Variants in CLIC6 observed in about 807,000 individuals in gnomAD.
CLIC6 encodes the protein CLIC family member 6, also known as chloride intracellular channel protein 6.
A neutral mutation model predicts 49.2 loss-of-function variants in CLIC6; 39 were observed. The observed-to-expected ratio is 0.79, with a 90% CI of 0.61 to 1.04. The LOEUF (loss-of-function observed/expected upper bound fraction) is 1.04, where lower values mean the gene tolerates loss of function less well. CLIC6 is among the 50% of genes least tolerant of loss of function. The pLI is 0.00. For missense variants in CLIC6, 988 were observed against 993.1 expected (o/e 0.99, Z 0.07); for synonymous variants, 446 against 433.4 (o/e 1.03, Z -0.36).
intron 1 of CLIC6, among the ~76,000 whole-genome samples, chr21:34,675,260 A>AG (rs1989640165): frequency 6.6e-6 from 1 of 151,632 alleles, no homozygotes; most frequent in African/African-American, 2.4e-5. Flanking sequence ...TCCAAAAAAA[A>AG]AAAAAAAAAA....
chr21:34,704,014 A>T (rs548968309), intron 1 of CLIC6, among the ~76,000 whole-genome samples: 1 of 152,342 alleles, frequency 6.6e-6, no homozygotes, highest in South Asian at 2.1e-4. Flanking sequence ...AGAAATGTAT[A>T]TGTACAAAAA....
At chr21:34,713,774 C>A (rs2145822228) in intron 5 of CLIC6, among the ~76,000 whole-genome samples, 1 of 152,168 alleles carries the variant, frequency 6.6e-6, no homozygotes, top group East Asian at 1.9e-4. Flanking sequence ...CCATGTTAAA[C>A]ATTGCCCCAG....
rs913508420 is a variant in CLIC6 at position 34,709,661 on chromosome 21, A to C, written c.1899+123A>C. Reference sequence around the variant, plus strand: ...AAATGTGGAGACTTGGATTAAAAACACTAGTTCTGTTCGGGGCAGCCAAGC... The same window carrying C: ...AAATGTGGAGACTTGGATTAAAAACCCTAGTTCTGTTCGGGGCAGCCAAGC... On this transcript the variant is annotated intron_variant, in intron 5 of 5. Coordinates refer to ENST00000349499, the MANE Select transcript of CLIC6 (RefSeq NM_053277.3). 4 of 875,634 alleles carry C rather than the reference A, an allele frequency of 4.6e-6. No individual in the cohort carries two copies. In the African/African-American group the frequency reaches 6.8e-5, roughly 15 times the overall value. 54.2% of individuals were successfully genotyped at this position (875,634 alleles called of 1,614,324 possible).
chr21:34,669,306 C>A lies in CLIC6; in HGVS notation c.-83C>A. Reference sequence around the variant, plus strand: ...GTCCTTCAAGGAGCACAGAGGGCCCCGTAGCACGCCCCTTGCCCAGCGCCA... The same window carrying A: ...GTCCTTCAAGGAGCACAGAGGGCCCAGTAGCACGCCCCTTGCCCAGCGCCA... On this transcript the variant is annotated 5_prime_UTR_variant, in exon 1 of 6. Transcript: ENST00000349499. The A allele has an allele frequency of 2.7e-6, 3 of 1,122,166 alleles. No homozygotes were observed. The highest frequency in any genetic ancestry group is 3.4e-6 in the Non-Finnish European group (3 of 888,272). The allele number at this position is 1,122,166 out of a possible 1,614,324, so 69.5% of individuals were successfully genotyped here.
At position 34,670,582 on chromosome 21, in the gene CLIC6, A is replaced by T; in HGVS notation, c.1194A>T (p.Pro398=). Residue 398 remains proline, a synonymous_variant, in exon 1 of 6, where the codon CCA becomes CCT. Transcript: ENST00000349499. The stretch of plus-strand genomic sequence containing the variant: ...AAGAGGAATCCCCCGACAGCAGCCC[A>T]CATGGGGAGGCCTCCAGGGGCGCCG... ...GGEEESPDSS[P]HGEASRGAAE... The T allele has an allele frequency of 6.6e-7, 1 of 1,525,936 alleles. No individual in the cohort carries two copies. Among genetic ancestry groups the T allele is most frequent in the Non-Finnish European group, 8.8e-7 (1 of 1,136,994 alleles). The allele number at this position is 1,525,936 out of a possible 1,614,324, so 94.5% of individuals were successfully genotyped here.
intron 1 of CLIC6, among the ~76,000 whole-genome samples, chr21:34,688,602 G>A (rs980860308): frequency 3.3e-5 from 5 of 152,226 alleles, no homozygotes; most frequent in Admixed American, 1.3e-4. Flanking sequence ...AAGAGGTGGG[G>A]GATAAGACCA....
At chr21:34,683,792 C>G (rs1242753996) in intron 1 of CLIC6, among the ~76,000 whole-genome samples, 1 of 152,156 alleles carries the variant, frequency 6.6e-6, no homozygotes, top group East Asian at 1.9e-4. Context: ...TGAGGCCTCC[C>G]CAGCCATGTG....
At chr21:34,694,359 T>C (rs1990056056) in intron 1 of CLIC6, among the ~76,000 whole-genome samples, 1 of 152,046 alleles carries the variant, frequency 6.6e-6, no homozygotes, top group African/African-American at 2.4e-5. Flanking sequence ...AGTGCGGTAG[T>C]AGAGCAGTGT....
chr21:34,687,406 T>G (rs1989903318), intron 1 of CLIC6, among the ~76,000 whole-genome samples: 1 of 152,238 alleles, frequency 6.6e-6, no homozygotes, highest in Non-Finnish European at 1.5e-5. Context: ...CACAAGGAAA[T>G]AAGCTTTTCA....
chr21:34,676,038 T>C (rs570783636), intron 1 of CLIC6, among the ~76,000 whole-genome samples: 5 of 152,210 alleles, frequency 3.3e-5, no homozygotes, highest in Non-Finnish European at 7.3e-5. Context: ...AGAGCAATTA[T>C]GTTTCTTTAC....
chr21:34,709,373 G>T lies in CLIC6; in HGVS notation c.1734G>T (p.Leu578=). ...CTGTTTTAGTTCATGAAAAGAACCT[G>T]CTGAAGGCCCTGAGGAAGCTGGATA... ...KDANEIHEKN[L]LKALRKLDNY... Residue 578 remains leucine (L), a synonymous_variant, in exon 5 of 6, where the codon CTG becomes CTT. Coordinates refer to ENST00000349499, the MANE Select transcript of CLIC6 (RefSeq NM_053277.3). The T allele has an allele frequency of 1.2e-6, 2 of 1,613,844 alleles. No individual in the cohort carries two copies. The highest frequency in any genetic ancestry group is 1.7e-6 in the Non-Finnish European group (2 of 1,179,908).
rs370635676 is a variant in CLIC6 at position 34,708,066 on chromosome 21, C to T, written c.1607C>T (p.Pro536Leu). ...TTCTTAGAGGAGAAATTAGCTCCCC[C>T]GAGGTAGGCCTCAGAAAACCAGTGT... ...EEFLEEKLAP[P>L]RYPKLGTQHP... Residue 536 changes from proline (P) to leucine (L), a missense_variant, in exon 3 of 6, where the codon CCG (proline) becomes CTG (leucine). Pro to Leu is a moderately conservative substitution (Grantham distance 98). Around this residue, in one of 3 missense-constraint regions of CLIC6, gnomAD observed 647 missense variants for 596.9 expected, o/e 1.08. Coordinates refer to ENST00000349499, the MANE Select transcript of CLIC6 (RefSeq NM_053277.3). 1.7e-5 allele frequency: 27 copies of T among 1,613,932 alleles called. No individual in the cohort carries two copies. Among genetic ancestry groups the T allele is most frequent in the East Asian group, 1.6e-4 (7 of 44,898 alleles).
chr21:34,716,510 C>A lies in CLIC6; in HGVS notation c.*28C>A. 1 of 1,580,108 alleles carries A rather than the reference C, an allele frequency of 6.3e-7. No homozygotes were observed. The highest frequency in any genetic ancestry group is 1.2e-5 in the South Asian group (1 of 86,104). On this transcript the variant is annotated 3_prime_UTR_variant, in exon 6 of 6. Coordinates refer to ENST00000349499, the MANE Select transcript of CLIC6 (RefSeq NM_053277.3). ...CTGGGCTGTTTTCTGTCTTATTTCT[C>A]AGTTGAGTGAGCAAGGATACGAAAA...
At chr21:34,696,080 G>A (rs1601277547) in intron 1 of CLIC6, among the ~76,000 whole-genome samples, 1 of 152,168 alleles carries the variant, frequency 6.6e-6, no homozygotes, top group East Asian at 1.9e-4. Context: ...TGCACTCTAG[G>A]TGTTGGTGTG....
chr21:34,669,420 C>T lies in CLIC6; in HGVS notation c.32C>T (p.Ala11Val), dbSNP rs751047637. 6 of 1,235,198 alleles carry T rather than the reference C, an allele frequency of 4.9e-6. No homozygotes were observed. In the Admixed American group the frequency reaches 2.1e-4, roughly 43 times the overall value. The allele number at this position is 1,235,198 out of a possible 1,614,324, so 76.5% of individuals were successfully genotyped here. The change falls in exon 1 of 6, where the codon GCC becomes GTC. Residue 11 changes from alanine to valine, a missense_variant. This residue lies in a region of CLIC6 where 284 missense variants were observed against 278.6 expected (regional missense o/e 1.02). Transcript: ENST00000349499. ...GAGGCCGCGGAGCCGGAGGGGGTTG[C>T]CCCGGGTCCCCAGGGGCCGCCGGAG... MAEAAEPEGV[A>V]PGPQGPPEVP...
intron 5 of CLIC6, among the ~76,000 whole-genome samples, chr21:34,710,539 C>G (rs1243925023): frequency 6.6e-6 from 1 of 152,144 alleles, no homozygotes; most frequent in Non-Finnish European, 1.5e-5. Flanking sequence ...CCGGGCCAGG[C>G]ATGGCGGCTC....
At chr21:34,681,326 C>A (rs1989776969) in intron 1 of CLIC6, among the ~76,000 whole-genome samples, 1 of 152,224 alleles carries the variant, frequency 6.6e-6, no homozygotes, top group African/African-American at 2.4e-5. Context: ...TCAATTATCT[C>A]TATTTGATCC....
At chr21:34,701,961 T>C (rs1167262209) in intron 1 of CLIC6, among the ~76,000 whole-genome samples, 1 of 152,038 alleles carries the variant, frequency 6.6e-6, no homozygotes, top group African/African-American at 2.4e-5. Context: ...GATGTGACTC[T>C]CGGTGGGTGA....
chr21:34,677,959 A>G lies in CLIC6; in HGVS notation c.1374+7197A>G, dbSNP rs529135702. Among the ~76,000 whole-genome samples the G allele has an allele frequency of 2.0e-5, 3 of 152,354 alleles. No individual in the cohort carries two copies. The East Asian group carries it at 5.8e-4, about 29-fold the overall frequency. ...AAAGAAGAATAATTCATGACTCATG[A>G]AAAATATATGAAATTCAAATTTCAG... On this transcript the variant is annotated intron_variant, in intron 1 of 5. Transcript: ENST00000349499.
Sources: allele counts gnomAD v4.1 joint callset (sites outside exome capture counted in the v4.1 genomes callset), GRCh38; gene constraint gnomAD v4.1.1; regional missense constraint gnomAD v4.1.1; transcripts MANE v1.5; gene names NCBI Gene and HGNC (gene_info 2026-07-23, HGNC 2026-07-21).